The following NRG1 variants were observed in gnomAD, a reference collection of about 807,000 sequenced individuals.
NRG1 encodes the protein pro-neuregulin-1, membrane-bound isoform.
Under a neutral mutation model 63.8 loss-of-function variants are expected in NRG1, and 18 were observed. That is an observed-to-expected ratio of 0.28 (90% CI 0.19 to 0.42). The LOEUF (loss-of-function observed/expected upper bound fraction) is 0.42. Among genes scored for constraint, NRG1 ranks in the 10% least tolerant of loss-of-function variants. NRG1 has a pLI of 1.00. For synonymous variants in NRG1, 302 were observed against 301.3 expected, an observed-to-expected ratio of 1.00 and a Z score of -0.02; for missense variants, 762 against 814.7, an observed-to-expected ratio of 0.94 and a Z score of 0.79.
chr8:31,733,040 T>C (rs947066738), intron 1 of NRG1, among the ~76,000 whole-genome samples: 7 of 152,224 alleles, frequency 4.6e-5, no homozygotes, highest in Admixed American at 3.3e-4. Context: ...TAGCTCCCAC[T>C]TGTAAATGAG....
chr8:32,751,665 A>T (rs1201354428), intron 7 of NRG1, among the ~76,000 whole-genome samples: 1 of 152,192 alleles, frequency 6.6e-6, no homozygotes, highest in Non-Finnish European at 1.5e-5. Flanking sequence ...TTTTAATCCC[A>T]CGTCTGTATT....
chr8:31,810,579 A>C (rs895375728), intron 1 of NRG1, among the ~76,000 whole-genome samples: 2 of 152,074 alleles, frequency 1.3e-5, no homozygotes, highest in African/African-American at 4.8e-5. Flanking sequence ...CTTTCTCTAG[A>C]TATTACTTGG....
chr8:31,806,451 C>T (rs567543962), intron 1 of NRG1, among the ~76,000 whole-genome samples: 25 of 152,020 alleles, frequency 1.6e-4, no homozygotes, highest in Non-Finnish European at 3.1e-4. Context: ...TTTCACACTT[C>T]CATCAATATC....
intron 1 of NRG1, among the ~76,000 whole-genome samples, chr8:31,912,832 T>A (rs1427277983): frequency 6.6e-6 from 1 of 152,144 alleles, no homozygotes; most frequent in East Asian, 1.9e-4. Flanking sequence ...CCAGTCTCCA[T>A]TATTTTAAAT....
chr8:31,865,535 A>G (rs1411399696), intron 1 of NRG1, among the ~76,000 whole-genome samples: 1 of 152,114 alleles, frequency 6.6e-6, no homozygotes, highest in Admixed American at 6.6e-5. Flanking sequence ...AGGTAATTTC[A>G]TCATGGGGGG....
At chr8:31,785,539 T>C (rs897940652) in intron 1 of NRG1, among the ~76,000 whole-genome samples, 3 of 152,202 alleles carry the variant, frequency 2.0e-5, no homozygotes, top group African/African-American at 7.2e-5. Flanking sequence ...ATATAGCTTC[T>C]CAAATGTAAA....
rs565696717 is a variant in NRG1 at position 32,660,275 on chromosome 8, G to A, written c.502+43390G>A. ...CATTCCAAAATCCAAAACACTTCTG[G>A]CCCTAAGCCTTTTGGATAAGGGATA... On this transcript the variant is annotated intron_variant, in intron 5 of 11. Coordinates refer to ENST00000356819, the Ensembl canonical transcript of NRG1. Among the ~76,000 whole-genome samples, 6 of 152,114 alleles carry A rather than the reference G, an allele frequency of 3.9e-5. No individual in the cohort carries two copies. The South Asian group carries it at 1.0e-3, about 26-fold the overall frequency.
At chr8:31,795,294 G>C (rs1226165511) in intron 1 of NRG1, among the ~76,000 whole-genome samples, 2 of 152,140 alleles carry the variant, frequency 1.3e-5, no homozygotes, top group Admixed American at 1.3e-4. Flanking sequence ...GCTCCATTTT[G>C]ACAAATAGGC....
intron 1 of NRG1, among the ~76,000 whole-genome samples, chr8:32,163,938 C>T (rs1171805117): frequency 6.6e-6 from 1 of 152,114 alleles, no homozygotes; most frequent in Non-Finnish European, 1.5e-5. Flanking sequence ...CATTTATGAA[C>T]CACTGGCTCC....
At position 32,412,423 on chromosome 8, in the gene NRG1, CATATATATATATATATATATA is replaced by C. The variant is rs1815132284; in HGVS notation, c.38-183404_38-183384del. 5.4e-5 allele frequency among the ~76,000 whole-genome samples: 5 copies of C among 93,040 alleles called. No homozygotes were observed. The South Asian group carries it at 1.8e-3, about 34-fold the overall frequency. The allele number at this position is 93,040 out of a possible 152,430, so 61.0% of individuals were successfully genotyped here. On this transcript the variant is annotated intron_variant, in intron 1 of 10. Transcript: ENST00000519301. ...TCCTCTCTCTCTCTCTCTCTCTCTA[CATATATATATATATATATATA>C]TATATATACATATATATATATATAT...
intron 1 of NRG1, among the ~76,000 whole-genome samples, chr8:31,766,037 G>A (rs1818021208): frequency 6.6e-6 from 1 of 151,900 alleles, no homozygotes; most frequent in African/African-American, 2.4e-5. Context: ...TTGTCAAGGA[G>A]GAACACGTAT....
In NRG1 at chr8:32,040,723, T is replaced by TATGAAATTTAGGCGC. The variant is rs1563713082; in HGVS notation, c.37+401294_37+401295insGAAATTTAGGCGCAT. 2.3e-4 allele frequency among the ~76,000 whole-genome samples: 24 copies of TATGAAATTTAGGCGC among 106,426 alleles called. 1 individual carries two copies. The highest frequency in any genetic ancestry group is 4.1e-4 in the Non-Finnish European group (21 of 50,868). 69.8% of individuals were successfully genotyped at this position (106,426 alleles called of 152,430 possible). On this transcript the variant is annotated intron_variant, in intron 1 of 10. Coordinates refer to the NRG1 transcript ENST00000519301. ...TCTGAAATTTAGGCATATATATATA[T>TATGAAATTTAGGCGC]ATATATATATATATGAAATTTAGGC... is the stretch of plus-strand genomic sequence containing the variant.
intron 1 of NRG1, among the ~76,000 whole-genome samples, chr8:32,170,169 C>T (rs1839876614): frequency 6.6e-6 from 1 of 152,122 alleles, no homozygotes; most frequent in Admixed American, 6.5e-5. Flanking sequence ...AACCATTAGA[C>T]AATAATTTTC....
At chr8:32,194,602 T>G (rs768466098) in intron 1 of NRG1, among the ~76,000 whole-genome samples, 72 of 152,086 alleles carry the variant, frequency 4.7e-4, no homozygotes, top group Non-Finnish European at 8.5e-4. Context: ...AATGAGGATG[T>G]GACTTACATT....
chr8:31,933,584 T>C (rs1195823039), intron 1 of NRG1, among the ~76,000 whole-genome samples: 7 of 152,170 alleles, frequency 4.6e-5, no homozygotes, highest in African/African-American at 1.7e-4. Flanking sequence ...ACCCAGCCTA[T>C]TATCTTCATT....
chr8:32,420,697 G>T (rs1754355407), intron 1 of NRG1, among the ~76,000 whole-genome samples: 1 of 152,096 alleles, frequency 6.6e-6, no homozygotes, highest in South Asian at 2.1e-4. Context: ...GTAGGGATTT[G>T]TCAGGTTTTA....
chr8:31,640,740 C>G lies in NRG1; in HGVS notation c.37+1309C>G. ...TGTGCAAGCGGTGCGGTAAGTTCCT[C>G]GCCCTTGGGGGCGCGAACCCGCGGC... On this transcript the variant is annotated intron_variant, in intron 1 of 10. Coordinates refer to the NRG1 transcript ENST00000519301. The surrounding 1 kb of genome is among the most constrained non-coding windows in gnomAD (Gnocchi z 6.3). The G allele has an allele frequency of 1.3e-6, 2 of 1,547,006 alleles. No homozygotes were observed. Among genetic ancestry groups the G allele is most frequent in the Non-Finnish European group, 1.7e-6 (2 of 1,145,860 alleles).
At chr8:32,102,196 G>A (rs935634492) in intron 1 of NRG1, among the ~76,000 whole-genome samples, 19 of 152,238 alleles carry the variant, frequency 1.2e-4, no homozygotes, top group African/African-American at 3.6e-4. Context: ...GGAATGCAGC[G>A]GAACAATTTC....
chr8:32,605,670 C>A, exon 3 of NRG1: 1 of 1,612,996 alleles, frequency 6.2e-7, no homozygotes, highest in Non-Finnish European at 8.5e-7. Context: ...ATATCACCAT[C>A]GTGGAATCAA....
Sources: gnomAD v4.1 joint callset for allele counts (sites outside exome capture counted in the v4.1 genomes callset) on GRCh38, gnomAD v4.1.1 for gene constraint, Gnocchi (gnomAD v3.1) non-coding constraint, MANE v1.5 for transcripts, NCBI Gene and HGNC (gene_info 2026-07-23, HGNC 2026-07-21) for gene names.